The following TIMM21 variants were observed in gnomAD, a reference collection of about 807,000 sequenced individuals.
TIMM21 encodes the protein mitochondrial import inner membrane translocase subunit Tim21.
A neutral mutation model predicts 27.7 loss-of-function variants in TIMM21; 30 were observed. That is an observed-to-expected ratio of 1.08 (90% CI 0.81 to 1.47). TIMM21 has a LOEUF of 1.47. Among genes scored for constraint, TIMM21 ranks in the 40% most tolerant of loss-of-function variants. The probability of loss-of-function intolerance (pLI) is 0.00; values close to 1 mark genes in which losing one functional copy is unlikely to be tolerated. For synonymous variants in TIMM21, 121 were observed against 114.4 expected (o/e 1.06, Z -0.37); for missense variants, 292 against 302.9 (o/e 0.96, Z 0.27).
chr18:74,160,327 AAAAC>A lies in TIMM21; in HGVS notation c.*1851_*1854del, dbSNP rs981136164. The A allele has an allele frequency of 2.6e-5, 4 of 151,852 alleles. No homozygotes were observed. Among genetic ancestry groups the A allele is most frequent in the African/African-American group, 7.3e-5 (3 of 41,258 alleles). The allele number at this position is 151,852 out of a possible 1,614,324, so 9.4% of individuals were successfully genotyped here. A position where few individuals can be genotyped will look rare whatever the true frequency, so the allele number is the denominator to read the frequency against. On this transcript the variant is annotated 3_prime_UTR_variant, in exon 6 of 6. Transcript: ENST00000169551. ...GAGTGTGACTTCGTCTCAAAAAAAA[AAAAC>A]AAAAAACAGATCTGAGCTTTTATAA...
chr18:74,152,691 T>C lies in TIMM21; in HGVS notation c.302-2454T>C, dbSNP rs1979844017. Among the ~76,000 whole-genome samples, 1 of 152,140 alleles carries C rather than the reference T, an allele frequency of 6.6e-6. No homozygotes were observed. The highest frequency in any genetic ancestry group is 2.1e-4 in the South Asian group (1 of 4,828). On this transcript the variant is annotated intron_variant, in intron 1 of 5. Transcript: ENST00000169551. This position sits in a 1 kb window ranked among gnomAD's most constrained non-coding sequence, Gnocchi z 4.1. ...CGGCAAGCCAGCTCCAAAATCCAAA[T>C]TGAGAGCTGCTTACCACTCCTGGTA...
Position 74,157,994 on chromosome 18 carries a change from G to A in TIMM21, c.463-20G>A. 6.2e-7 allele frequency: 1 copy of A among 1,612,800 alleles called. No individual in the cohort carries two copies. ...GCTTAAAAAAATAACACAAAATAAA[G>A]CACTGTCCTTGTTCTGCAGGTGATC... is the stretch of plus-strand genomic sequence containing the variant. On this transcript the variant is annotated intron_variant, in intron 3 of 5. Coordinates refer to ENST00000169551, the MANE Select transcript of TIMM21 (RefSeq NM_014177.3).
chr18:74,149,309 T>A (rs548313882), intron 1 of TIMM21, among the ~76,000 whole-genome samples, 200 bp downstream of exon 1: 1 of 152,376 alleles, frequency 6.6e-6, no homozygotes, highest in East Asian at 1.9e-4. Flanking sequence ...AAAGTTGATC[T>A]TGAATTTGAT....
At chr18:74,154,094 G>C (rs1279892702) in intron 1 of TIMM21, among the ~76,000 whole-genome samples, 1 of 152,180 alleles carries the variant, frequency 6.6e-6, no homozygotes, top group Admixed American at 6.5e-5. Context: ...AAAATAGAAA[G>C]ACTCACCTGA....
chr18:74,150,910 G>T (rs939258010), intron 1 of TIMM21, among the ~76,000 whole-genome samples: 2 of 152,124 alleles, frequency 1.3e-5, no homozygotes, highest in Non-Finnish European at 2.9e-5. Context: ...CAGCTTCAGG[G>T]GCTTCCATTT....
Position 74,158,628 on chromosome 18 carries a change from CT to C in TIMM21, c.*149del. ...ACAGTATTTGTTGCATTTAAACAAACTAGACATTTTCTTACGGAAAAATTAT... is the reference window on the plus strand; with the variant it reads ...ACAGTATTTGTTGCATTTAAACAAACAGACATTTTCTTACGGAAAAATTAT... On this transcript the variant is annotated 3_prime_UTR_variant, in exon 6 of 6. Coordinates refer to ENST00000169551, the MANE Select transcript of TIMM21 (RefSeq NM_014177.3). The C allele has an allele frequency of 1.7e-6, 1 of 600,796 alleles. No homozygotes were observed. Among genetic ancestry groups the C allele is most frequent in the South Asian group, 2.0e-5 (1 of 50,058 alleles). 37.2% of individuals were successfully genotyped at this position (600,796 alleles called of 1,614,324 possible).
chr18:74,158,327 TA>T (rs756823587), intron 5 of TIMM21, 48 bp from the exon 6 acceptor site: 1 of 1,610,004 alleles, frequency 6.2e-7, no homozygotes, highest in Non-Finnish European at 8.5e-7. Context: ...CGGTGTTATT[TA>T]AGTTCTGGAA....
At chr18:74,153,985 G>A (rs114909354) in intron 1 of TIMM21, among the ~76,000 whole-genome samples, 1,843 of 152,256 alleles carry the variant, frequency 0.012, 45 homozygotes, top group African/African-American at 0.041. Flanking sequence ...AAGCATAGTC[G>A]TAATTGTAAT....
chr18:74,157,833 G>C (rs1318823321), intron 3 of TIMM21, 181 bp from the exon 4 acceptor site: 1 of 625,782 alleles, frequency 1.6e-6, no homozygotes, highest in East Asian at 2.8e-5. Context: ...CTGACCTTGT[G>C]ATCCACCCAT....
At position 74,148,893 on chromosome 18, in the gene TIMM21, G is replaced by A. The variant is rs762868376; in HGVS notation, c.85G>A (p.Val29Met). 6.2e-7 allele frequency: 1 copy of A among 1,614,146 alleles called. No individual in the cohort carries two copies. The highest frequency in any genetic ancestry group is 8.5e-7 in the Non-Finnish European group (1 of 1,180,040). The change falls in exon 1 of 6, where the codon GTG becomes ATG. Residue 29 changes from valine to methionine, a missense_variant. Val to Met is a conservative substitution (Grantham distance 21, BLOSUM62 1). Coordinates refer to ENST00000169551, the MANE Select transcript of TIMM21 (RefSeq NM_014177.3). Reference sequence around the variant, plus strand: ...AAAGCGATTGCTTTTGCCATACATCGTGCTTAACAAAGCGTGCTTGAAGAC... The same window carrying A: ...AAAGCGATTGCTTTTGCCATACATCATGCTTAACAAAGCGTGCTTGAAGAC... ...SAKRLLLPYI[V>M]LNKACLKTEP...
At chr18:74,150,442 A>AGTG (rs1278717725) in intron 1 of TIMM21, among the ~76,000 whole-genome samples, 1 of 152,190 alleles carries the variant, frequency 6.6e-6, no homozygotes, top group African/African-American at 2.4e-5. Context: ...AATAGCCATG[A>AGTG]GTGGCAAGTG....
chr18:74,156,710 G>A (rs17088878), intron 3 of TIMM21: 69 of 157,262 alleles, frequency 4.4e-4, no homozygotes, highest in Non-Finnish European at 8.8e-4. Context: ...TCAGCCTTTC[G>A]TAGATTTTTC....
Position 74,152,799 on chromosome 18 carries a change from G to A in TIMM21, c.302-2346G>A, listed in dbSNP as rs1336688396. The stretch of plus-strand genomic sequence containing the variant: ...AGTGCTCTCAGAATACGTCTTGAGG[G>A]ATGAGGGAAGCAGGACTGGGCAGAG... On this transcript the variant is annotated intron_variant, in intron 1 of 5. Coordinates refer to ENST00000169551, the MANE Select transcript of TIMM21 (RefSeq NM_014177.3). This position sits in a 1 kb window ranked among gnomAD's most constrained non-coding sequence, Gnocchi z 4.1. Among the ~76,000 whole-genome samples, 1 of 152,232 alleles carries A rather than the reference G, an allele frequency of 6.6e-6. No individual in the cohort carries two copies. The highest frequency in any genetic ancestry group is 6.5e-5 in the Admixed American group (1 of 15,282).
intron 3 of TIMM21, chr18:74,157,738 G>A (rs918813139): frequency 2.2e-5 from 8 of 366,208 alleles, no homozygotes; most frequent in Non-Finnish European, 3.0e-5. Context: ...TGGGACTACA[G>A]ATGCGCATCA....
At chr18:74,150,958 A>G (rs934160574) in intron 1 of TIMM21, among the ~76,000 whole-genome samples, 1 of 152,168 alleles carries the variant, frequency 6.6e-6, no homozygotes, top group African/African-American at 2.4e-5. Flanking sequence ...CCCACTTCCA[A>G]AGGAACTAAA....
In TIMM21 at chr18:74,158,697, A is replaced by C; in HGVS notation, c.*217A>C. 1 of 444,104 alleles carries C rather than the reference A, an allele frequency of 2.3e-6. No homozygotes were observed. 27.5% of individuals were successfully genotyped at this position (444,104 alleles called of 1,614,324 possible). A position where few individuals can be genotyped will look rare whatever the true frequency, so the allele number is the denominator to read the frequency against. On this transcript the variant is annotated 3_prime_UTR_variant, in exon 6 of 6. Coordinates refer to ENST00000169551, the MANE Select transcript of TIMM21 (RefSeq NM_014177.3). The stretch of plus-strand genomic sequence containing the variant: ...ATGTTCTCCCATTGACTCAATCATG[A>C]CAATATTTCTGCTTTAACACCATCT...
rs1979838453 is a variant in TIMM21 at position 74,152,539 on chromosome 18, C to T, written c.302-2606C>T. The stretch of plus-strand genomic sequence containing the variant: ...AATAACACATCAGCCAGTACATTCC[C>T]TTCCGCCAGCATTCCATCCCAGGTC... On this transcript the variant is annotated intron_variant, in intron 1 of 5. Transcript: ENST00000169551. This position sits in a 1 kb window ranked among gnomAD's most constrained non-coding sequence, Gnocchi z 4.1. 6.6e-6 allele frequency among the ~76,000 whole-genome samples: 1 copy of T among 152,186 alleles called. No individual in the cohort carries two copies. The highest frequency in any genetic ancestry group is 6.5e-5 in the Admixed American group (1 of 15,288).
Position 74,148,601 on chromosome 18 carries a change from AAAGAAG to A in TIMM21, c.-206_-201del. ...GATCAGAGCCTGTTAATTAAAATGGAAAGAAGACAGAAGGGAAGGTAGACATCAGGT... is the reference window on the plus strand; with the variant it reads ...GATCAGAGCCTGTTAATTAAAATGGAACAGAAGGGAAGGTAGACATCAGGT... On this transcript the variant is annotated 5_prime_UTR_variant, in exon 1 of 6. Transcript: ENST00000169551. The A allele has an allele frequency of 2.0e-6, 1 of 504,864 alleles. No homozygotes were observed. The highest frequency in any genetic ancestry group is 3.5e-6 in the Non-Finnish European group (1 of 282,686). The allele number at this position is 504,864 out of a possible 1,614,324, so 31.3% of individuals were successfully genotyped here. A position where few individuals can be genotyped will look rare whatever the true frequency, so the allele number is the denominator to read the frequency against.
At position 74,158,642 on chromosome 18, in the gene TIMM21, A is replaced by T; in HGVS notation, c.*162A>T. 3.5e-6 allele frequency: 2 copies of T among 572,576 alleles called. No individual in the cohort carries two copies. The highest frequency in any genetic ancestry group is 6.3e-6 in the Non-Finnish European group (2 of 319,172). 35.5% of individuals were successfully genotyped at this position (572,576 alleles called of 1,614,324 possible). A position where few individuals can be genotyped will look rare whatever the true frequency, so the allele number is the denominator to read the frequency against. ...ATTTAAACAAACTAGACATTTTCTT[A>T]CGGAAAAATTATGAAATACAGCATA... On this transcript the variant is annotated 3_prime_UTR_variant, in exon 6 of 6. Coordinates refer to ENST00000169551, the MANE Select transcript of TIMM21 (RefSeq NM_014177.3).
Sources: gnomAD v4.1 joint callset for allele counts (sites outside exome capture counted in the v4.1 genomes callset) on GRCh38, gnomAD v4.1.1 for gene constraint, Gnocchi (gnomAD v3.1) non-coding constraint, MANE v1.5 for transcripts, NCBI Gene and HGNC (gene_info 2026-07-23, HGNC 2026-07-21) for gene names.